ZC3HC1: variants seen among roughly 807,000 people sequenced by gnomAD.
The protein encoded by ZC3HC1 is zinc finger C3HC-type containing 1.
ZC3HC1 carries 38 observed loss-of-function variants against 61.9 expected under a neutral mutation model. That is an observed-to-expected ratio of 0.61 (90% CI 0.47 to 0.81). ZC3HC1 has a LOEUF of 0.81. Among genes scored for constraint, ZC3HC1 ranks in the 30% least tolerant of loss-of-function variants. The pLI is 0.00. For missense variants in ZC3HC1, 554 were observed against 622.7 expected (o/e 0.89, Z 1.17); for synonymous variants, 213 against 229.9 (o/e 0.93, Z 0.67).
chr7:130,028,585 CT>C (rs1373551237), intron 5 of ZC3HC1, among the ~76,000 whole-genome samples: 15 of 151,974 alleles, frequency 9.9e-5, no homozygotes, highest in African/African-American at 3.1e-4. Context: ...CAAGATAAAA[CT>C]GAATTTATGG....
chr7:130,020,614 A>T (rs1282776482), intron 9 of ZC3HC1, among the ~76,000 whole-genome samples: 1 of 151,822 alleles, frequency 6.6e-6, no homozygotes, highest in Non-Finnish European at 1.5e-5. Flanking sequence ...ACACAGTCTC[A>T]TTAAGCTTTC....
chr7:130,041,184 A>G (rs760758352), intron 2 of ZC3HC1, 83 bp from the exon 3 acceptor site: 43 of 1,407,814 alleles, frequency 3.1e-5, no homozygotes, highest in Non-Finnish European at 4.1e-5. Flanking sequence ...GTGTATACAC[A>G]TACTGTTTTT....
intron 4 of ZC3HC1, among the ~76,000 whole-genome samples, chr7:130,034,050 A>G (rs895080400): frequency 6.6e-6 from 1 of 152,174 alleles, no homozygotes; most frequent in Non-Finnish European, 1.5e-5. Context: ...CACATGTTTG[A>G]TAAGTTTTAA....
At chr7:130,051,123 A>G in intron 1 of ZC3HC1, 98 bp downstream of exon 1, 1 of 1,459,644 alleles carries the variant, frequency 6.9e-7, no homozygotes, top group Non-Finnish European at 9.1e-7. Context: ...CCACTGCCCG[A>G]GTCGCCGACC....
At chr7:130,024,641 C>T in intron 6 of ZC3HC1, 135 bp from the exon 7 acceptor site, 1 of 1,007,060 alleles carries the variant, frequency 9.9e-7, no homozygotes, top group Non-Finnish European at 1.4e-6. Flanking sequence ...CTCTGTGCTC[C>T]AGTCTCAGGA....
chr7:130,026,094 T>C (rs1267084507), intron 6 of ZC3HC1, 64 bp downstream of exon 6: 2 of 1,473,748 alleles, frequency 1.4e-6, no homozygotes. Context: ...GATTAGTGAC[T>C]GATATATATG....
chr7:130,046,620 A>T (rs964301727), intron 2 of ZC3HC1, among the ~76,000 whole-genome samples: 2 of 151,890 alleles, frequency 1.3e-5, no homozygotes, highest in Non-Finnish European at 2.9e-5. Flanking sequence ...AAAAAAAAAA[A>T]GTTGAAGGGA....
intron 9 of ZC3HC1, 34 bp from the exon 10 acceptor site, chr7:130,018,766 G>A (rs201109266): frequency 3.8e-6 from 6 of 1,562,636 alleles, no homozygotes; most frequent in Admixed American, 3.4e-5. Flanking sequence ...TAGTGATTAC[G>A]TTCTTTTATA....
In ZC3HC1 at chr7:130,036,113, G is replaced by GT. The variant is rs113457368; in HGVS notation, c.493+3350dup. Among the ~76,000 whole-genome samples, 1,104 of 140,668 alleles carry GT rather than the reference G, an allele frequency of 7.8e-3. 1 individual carries two copies. Among genetic ancestry groups the GT allele is most frequent in the Middle Eastern group, 0.012 (3 of 258 alleles). 92.3% of individuals were successfully genotyped at this position (140,668 alleles called of 152,430 possible). A position where few individuals can be genotyped will look rare whatever the true frequency, so the allele number is the denominator to read the frequency against. On this transcript the variant is annotated intron_variant, in intron 4 of 9. Transcript: ENST00000358303. ...GATTTTTCTGAAGAGTAATATGCCTGTTTTTTTTTTTTTTTCCGCAATTCA... is the reference window on the plus strand; with the variant it reads ...GATTTTTCTGAAGAGTAATATGCCTGTTTTTTTTTTTTTTTTCCGCAATTCA...
rs1340599884 is a variant in ZC3HC1, at chr7:130,018,860, A to G, written c.1441-128T>C. 8.4e-6 allele frequency: 6 copies of G among 713,700 alleles called. No homozygotes were observed. The East Asian group carries it at 1.1e-4, about 13-fold the overall frequency. 44.2% of individuals were successfully genotyped at this position (713,700 alleles called of 1,614,324 possible). Reference sequence around the variant, plus strand: ...AAATTCATTTTGTAGTATGCTATACATAATGTATACCTAAAGTCAGACTAA... The same window carrying G: ...AAATTCATTTTGTAGTATGCTATACGTAATGTATACCTAAAGTCAGACTAA... On this transcript the variant is annotated intron_variant, in intron 9 of 9. Transcript: ENST00000358303.
At chr7:130,037,260 A>G (rs1415454392) in intron 4 of ZC3HC1, among the ~76,000 whole-genome samples, 2 of 152,210 alleles carry the variant, frequency 1.3e-5, no homozygotes, top group Non-Finnish European at 2.9e-5. Context: ...CCTGGCCAAC[A>G]TGGTGAAACC....
Position 130,020,779 on chromosome 7 carries a change from T to A in ZC3HC1, c.1440+1540A>T, listed in dbSNP as rs143473557. On this transcript the variant is annotated intron_variant, in intron 9 of 9. Coordinates refer to ENST00000358303, the MANE Select transcript of ZC3HC1 (RefSeq NM_016478.5). ...TTCGTATGGCAGTGACAGAGAGGAG[T>A]CTTACTGAAAACTGCCAATGTACTA... Among the ~76,000 whole-genome samples the A allele has an allele frequency of 5.5e-3, 830 of 151,650 alleles. 7 individuals carry two copies. The highest frequency in any genetic ancestry group is 0.019 in the African/African-American group (779 of 41,334).
At chr7:130,024,572 CT>C in intron 6 of ZC3HC1, 66 bp from the exon 7 acceptor site, 1 of 1,530,714 alleles carries the variant, frequency 6.5e-7, no homozygotes, top group Non-Finnish European at 8.8e-7. Context: ...AGTGCAATGT[CT>C]TGTGAGTATG....
At chr7:130,047,282 G>C (rs922587939) in intron 2 of ZC3HC1, among the ~76,000 whole-genome samples, 19 of 151,960 alleles carry the variant, frequency 1.3e-4, no homozygotes, top group African/African-American at 4.1e-4. Flanking sequence ...TTTTAGTAGC[G>C]TCAGGGTTTC....
intron 4 of ZC3HC1, among the ~76,000 whole-genome samples, chr7:130,035,396 A>AG (rs1249244680): frequency 6.6e-5 from 10 of 151,762 alleles, no homozygotes; most frequent in Non-Finnish European, 1.3e-4. Context: ...TCTCAAAAAA[A>AG]AAAAAAAAAA....
At chr7:130,032,237 A>G (rs1364315413) in intron 4 of ZC3HC1, among the ~76,000 whole-genome samples, 1 of 138,376 alleles carries the variant, frequency 7.2e-6, no homozygotes, top group East Asian at 2.2e-4. Flanking sequence ...AAAAAAAAAA[A>G]GTAAGTTGAT....
intron 2 of ZC3HC1, among the ~76,000 whole-genome samples, chr7:130,044,210 G>C (rs1794785843): frequency 6.6e-6 from 1 of 152,142 alleles, no homozygotes. Context: ...TTTATATAGA[G>C]ACAGGATCTT....
Position 130,023,083 on chromosome 7 carries a change from A to G in ZC3HC1, c.1233+428T>C. ...ACTCTATATTATGGTGAGTTGTACAATTATTTCATTATATATTACAATATA... is the reference window on the plus strand; with the variant it reads ...ACTCTATATTATGGTGAGTTGTACAGTTATTTCATTATATATTACAATATA... On this transcript the variant is annotated intron_variant, in intron 8 of 9. Coordinates refer to ENST00000358303, the MANE Select transcript of ZC3HC1 (RefSeq NM_016478.5). The surrounding 1 kb of genome is among the most constrained non-coding windows in gnomAD (Gnocchi z 4.2). The G allele has an allele frequency of 6.0e-6, 1 of 165,968 alleles. No individual in the cohort carries two copies. Among genetic ancestry groups the G allele is most frequent in the East Asian group, 1.8e-4 (1 of 5,556 alleles). 10.3% of individuals were successfully genotyped at this position (165,968 alleles called of 1,614,324 possible).
chr7:130,026,383 C>T (rs900861344), intron 5 of ZC3HC1, 71 bp from the exon 6 acceptor site: 179 of 1,505,978 alleles, frequency 1.2e-4, no homozygotes, highest in Non-Finnish European at 1.5e-4. Context: ...TATAACATAC[C>T]TAGATGGTAC....
Sources: allele counts gnomAD v4.1 joint callset (sites outside exome capture counted in the v4.1 genomes callset), GRCh38; gene constraint gnomAD v4.1.1; non-coding constraint Gnocchi (gnomAD v3.1); transcripts MANE v1.5; gene names NCBI Gene and HGNC (gene_info 2026-07-23, HGNC 2026-07-21).